ARHGEF9: variants seen among roughly 807,000 people sequenced by gnomAD.
The protein encoded by ARHGEF9 is Cdc42 guanine nucleotide exchange factor 9.
ARHGEF9 carries 2 observed loss-of-function variants against 41.3 expected under a neutral mutation model. The ratio of observed to expected loss-of-function variants is 0.05; its 90% CI spans 0.02 to 0.15. The LOEUF (loss-of-function observed/expected upper bound fraction) is 0.15, where lower values mean the gene tolerates loss of function less well. Ranked by LOEUF, ARHGEF9 falls within the 10% of genes least tolerant of loss-of-function variation. The probability of loss-of-function intolerance (pLI) is 1.00; values close to 1 mark genes in which losing one functional copy is unlikely to be tolerated. For synonymous variants in ARHGEF9, 160 were observed against 154.4 expected (o/e 1.04, Z -0.27); for missense variants, 225 against 424.7 (o/e 0.53, Z 4.13).
rs185837872 is a variant in ARHGEF9 at position 63,700,326 on chromosome X, T to A, written c.403-3022A>T. On this transcript the variant is annotated intron_variant, in intron 3 of 9. Coordinates refer to ENST00000671741, the MANE Select transcript of ARHGEF9 (RefSeq NM_001353921.2). The stretch of plus-strand genomic sequence containing the variant: ...GAAAAAGAAAGGCCAGGAGAAATGA[T>A]TAGCTCCCTGGAGTCTTGCTTTTTT... Among the ~76,000 whole-genome samples the A allele has an allele frequency of 5.4e-5, 6 of 111,860 alleles. No individual in the cohort carries two copies. In the Admixed American group the frequency reaches 5.7e-4, roughly 11 times the overall value.
At chrX:63,688,226 GA>G (rs1391179342) in intron 4 of ARHGEF9, among the ~76,000 whole-genome samples, 1 of 110,515 alleles carries the variant, frequency 9.0e-6, no homozygotes, top group African/African-American at 3.3e-5. Flanking sequence ...AGTACTGAAT[GA>G]AAAAAACAAA....
intron 3 of ARHGEF9, among the ~76,000 whole-genome samples, chrX:63,699,884 T>C (rs1164041399): frequency 8.9e-6 from 1 of 112,319 alleles, no homozygotes; most frequent in Non-Finnish European, 1.9e-5. Context: ...TCTGTAAATA[T>C]ATACACATAT....
intron 1 of ARHGEF9, chrX:63,754,145 C>T: frequency 1.7e-6 from 1 of 584,496 alleles, no homozygotes; most frequent in Non-Finnish European, 2.8e-6. Context: ...GCAGAGCTTG[C>T]TCCATGAACG....
chrX:63,665,033 C>G (rs781809989), intron 7 of ARHGEF9, among the ~76,000 whole-genome samples: 1 of 112,202 alleles, frequency 8.9e-6, no homozygotes, highest in Non-Finnish European at 1.9e-5. Flanking sequence ...CAAAGGGTAG[C>G]ATGGTGAATT....
intron 1 of ARHGEF9, chrX:63,767,453 T>C (rs2056130786): frequency 6.3e-6 from 2 of 316,261 alleles, no homozygotes; most frequent in Non-Finnish European, 1.2e-5. Flanking sequence ...TCTAGTTCTG[T>C]AATATTTTTA....
At chrX:63,648,907 T>A in intron 8 of ARHGEF9, among the ~76,000 whole-genome samples, 1 of 111,787 alleles carries the variant, frequency 8.9e-6, no homozygotes, top group Non-Finnish European at 1.9e-5. Flanking sequence ...CTAACTCTCC[T>A]AAATATATAT....
At position 63,637,609 on chromosome X, in the gene ARHGEF9, A is replaced by AT. The variant is rs1457241316; in HGVS notation, c.*418dup. On this transcript the variant is annotated 3_prime_UTR_variant, in exon 10 of 10. Coordinates refer to ENST00000671741, the MANE Select transcript of ARHGEF9 (RefSeq NM_001353921.2). The stretch of plus-strand genomic sequence containing the variant: ...ATCAGAAAAAAAACAATACAAACAC[A>AT]TCTATCGTAATAATGACAAGGCAGT... The AT allele has an allele frequency of 4.9e-5, 10 of 205,952 alleles. No homozygotes were observed. Among genetic ancestry groups the AT allele is most frequent in the Non-Finnish European group, 7.8e-5 (9 of 114,713 alleles). The allele number at this position is 205,952 out of a possible 1,213,427, so 17.0% of individuals were successfully genotyped here.
intron 6 of ARHGEF9, among the ~76,000 whole-genome samples, chrX:63,668,382 C>T (rs782326031): frequency 4.3e-4 from 48 of 111,529 alleles, no homozygotes; most frequent in Non-Finnish European, 7.9e-4. Context: ...AAGCGATCCA[C>T]CGACCTCAGC....
intron 1 of ARHGEF9, among the ~76,000 whole-genome samples, chrX:63,737,940 A>AT (rs1405017948): frequency 8.9e-6 from 1 of 112,394 alleles, no homozygotes; most frequent in African/African-American, 3.2e-5. Flanking sequence ...CATTTATTGA[A>AT]TGTTTACTAT....
At position 63,706,208 on chromosome X, in the gene ARHGEF9, G is replaced by A. The variant is rs1556401557; in HGVS notation, c.402+50C>T. 2.6e-6 allele frequency: 3 copies of A among 1,145,272 alleles called. No individual in the cohort carries two copies. In the South Asian group the frequency reaches 5.7e-5, roughly 22 times the overall value. The allele number at this position is 1,145,272 out of a possible 1,213,427, so 94.4% of individuals were successfully genotyped here. A position where few individuals can be genotyped will look rare whatever the true frequency, so the allele number is the denominator to read the frequency against. On this transcript the variant is annotated intron_variant, in intron 3 of 9. Transcript: ENST00000671741. Reference sequence around the variant, plus strand: ...GGACTGTCACAGGCAGGGCCCAGGAGGGTTGCTGGTTCTTCGTGGAAGTGC... The same window carrying A: ...GGACTGTCACAGGCAGGGCCCAGGAAGGTTGCTGGTTCTTCGTGGAAGTGC...
At position 63,637,980 on chromosome X, in the gene ARHGEF9, T is replaced by C. The variant is rs2047397788; in HGVS notation, c.*48A>G. 1 of 1,113,501 alleles carries C rather than the reference T, an allele frequency of 9.0e-7. No homozygotes were observed. The highest frequency in any genetic ancestry group is 1.2e-6 in the Non-Finnish European group (1 of 832,997). 91.8% of individuals were successfully genotyped at this position (1,113,501 alleles called of 1,213,427 possible). A position where few individuals can be genotyped will look rare whatever the true frequency, so the allele number is the denominator to read the frequency against. The stretch of plus-strand genomic sequence containing the variant: ...CTCCGAAAAAAGGTCCATCTATAAA[T>C]ATAATTTTATTTACTTTATTTTAAA... On this transcript the variant is annotated 3_prime_UTR_variant, in exon 10 of 10. Transcript: ENST00000671741.
chrX:63,680,559 T>C lies in ARHGEF9; in HGVS notation c.583-1987A>G, dbSNP rs7889029. Among the ~76,000 whole-genome samples the C allele has an allele frequency of 1.0e-2, 1,122 of 112,286 alleles. 9 individuals are homozygous for C. Among genetic ancestry groups the C allele is most frequent in the African/African-American group, 0.034 (1,056 of 30,894 alleles). ...CAGAGAGCAAAGAATAGGGATTGGT[T>C]ATATCAGTATCAGCAAAGTAGCAGG... On this transcript the variant is annotated intron_variant, in intron 4 of 9. Coordinates refer to ENST00000671741, the MANE Select transcript of ARHGEF9 (RefSeq NM_001353921.2).
intron 4 of ARHGEF9, among the ~76,000 whole-genome samples, chrX:63,681,168 G>T (rs782234343): frequency 9.0e-6 from 1 of 111,366 alleles, no homozygotes; most frequent in Non-Finnish European, 1.9e-5. Context: ...CTCCTTGGAT[G>T]CTCTGGCCCA....
At chrX:63,724,876 A>G (rs2053862866) in intron 1 of ARHGEF9, 165 bp from the exon 2 acceptor site, 1 of 489,110 alleles carries the variant, frequency 2.0e-6, no homozygotes, top group East Asian at 3.6e-5. Flanking sequence ...AGACCGCAAG[A>G]CAAACAATAC....
intron 8 of ARHGEF9, among the ~76,000 whole-genome samples, chrX:63,646,411 G>T (rs782779080): frequency 4.7e-4 from 53 of 111,923 alleles, no homozygotes; most frequent in African/African-American, 1.6e-3. Context: ...TTTGTATAAG[G>T]TGTAAGGAAG....
intron 1 of ARHGEF9, among the ~76,000 whole-genome samples, chrX:63,764,925 T>C (rs1239308215): frequency 2.7e-5 from 3 of 111,723 alleles, no homozygotes; most frequent in African/African-American, 6.5e-5. Context: ...TTTACCTATG[T>C]AACAAAGCTG....
intron 4 of ARHGEF9, among the ~76,000 whole-genome samples, chrX:63,686,815 A>G (rs2051012466): frequency 9.0e-6 from 1 of 111,179 alleles, no homozygotes; most frequent in Non-Finnish European, 1.9e-5. Context: ...CCCAGAGGCC[A>G]CAGAGAACTG....
At chrX:63,779,857 T>G (rs1409121338) in intron 1 of ARHGEF9, among the ~76,000 whole-genome samples, 1 of 111,659 alleles carries the variant, frequency 9.0e-6, no homozygotes, top group Admixed American at 9.5e-5. Context: ...AAACATCGTT[T>G]TTCCCTTCTT....
At chrX:63,681,059 A>G (rs782661343) in intron 4 of ARHGEF9, among the ~76,000 whole-genome samples, 9 of 110,962 alleles carry the variant, frequency 8.1e-5, no homozygotes, top group Admixed American at 4.8e-4. Context: ...TCCCTCCCCC[A>G]TGCCCAGAGC....
Sources: allele counts gnomAD v4.1 joint callset (sites outside exome capture counted in the v4.1 genomes callset), GRCh38; gene constraint gnomAD v4.1.1; transcripts MANE v1.5; gene names NCBI Gene and HGNC (gene_info 2026-07-23, HGNC 2026-07-21).